Variants in ADAMTS19 observed in about 807,000 individuals in gnomAD.
ADAMTS19 encodes the protein A disintegrin and metalloproteinase with thrombospondin motifs 19.
Under a neutral mutation model 153.3 loss-of-function variants are expected in ADAMTS19, and 93 were observed. The ratio of observed to expected loss-of-function variants is 0.61; its 90% confidence interval spans 0.51 to 0.72. The LOEUF is 0.72. Among genes scored for constraint, ADAMTS19 ranks in the 30% least tolerant of loss-of-function variants. The probability of loss-of-function intolerance (pLI) is 0.00; values close to 1 mark genes in which losing one functional copy is unlikely to be tolerated. For synonymous variants in ADAMTS19, 600 were observed against 556.6 expected (o/e 1.08, Z -1.10); for missense variants, 1,482 against 1,552.1 (o/e 0.95, Z 0.76).
intron 7 of ADAMTS19, among the ~76,000 whole-genome samples, chr5:129,586,068 G>C (rs1035046988): frequency 6.6e-6 from 1 of 151,996 alleles, no homozygotes. Context: ...AAGGTACAGA[G>C]GTTTCTCTTA....
At chr5:129,658,108 A>G (rs932083823) in intron 14 of ADAMTS19, among the ~76,000 whole-genome samples, 12 of 152,046 alleles carry the variant, frequency 7.9e-5, no homozygotes, top group Admixed American at 6.5e-4. Flanking sequence ...AACATGGTGA[A>G]ACCTTGTCTC....
chr5:129,600,036 A>G (rs1750573498), intron 8 of ADAMTS19, among the ~76,000 whole-genome samples: 1 of 152,228 alleles, frequency 6.6e-6, no homozygotes, highest in Non-Finnish European at 1.5e-5. Context: ...AAAAGTATCT[A>G]TATGAATTAC....
intron 7 of ADAMTS19, among the ~76,000 whole-genome samples, chr5:129,578,088 A>C (rs1008689458): frequency 4.8e-5 from 2 of 41,552 alleles, no homozygotes; most frequent in South Asian, 1.1e-3. Flanking sequence ...ACATATATAC[A>C]TATACATACA....
At chr5:129,557,660 A>G (rs1753361813) in intron 7 of ADAMTS19, among the ~76,000 whole-genome samples, 1 of 152,148 alleles carries the variant, frequency 6.6e-6, no homozygotes, top group African/African-American at 2.4e-5. Flanking sequence ...CTAGGCTCTG[A>G]TGATTTTTGT....
intron 21 of ADAMTS19, among the ~76,000 whole-genome samples, chr5:129,732,861 A>C (rs111956899): frequency 1.3e-5 from 2 of 152,216 alleles, no homozygotes; most frequent in East Asian, 3.9e-4. Context: ...AGCTGAAGCA[A>C]TCCTAAGTAA....
chr5:129,519,432 C>G (rs756394291), intron 3 of ADAMTS19, among the ~76,000 whole-genome samples: 1 of 152,052 alleles, frequency 6.6e-6, no homozygotes, highest in Non-Finnish European at 1.5e-5. Flanking sequence ...GCTATGCAGC[C>G]TGAGGTTAGG....
chr5:129,666,007 G>A (rs552440495), intron 16 of ADAMTS19, among the ~76,000 whole-genome samples: 77 of 149,716 alleles, frequency 5.1e-4, no homozygotes, highest in Non-Finnish European at 1.0e-3. Flanking sequence ...TGATCGTTTC[G>A]TCAGGAAATC....
At chr5:129,732,627 A>G (rs998442925) in intron 21 of ADAMTS19, among the ~76,000 whole-genome samples, 4 of 152,132 alleles carry the variant, frequency 2.6e-5, no homozygotes, top group African/African-American at 9.6e-5. Flanking sequence ...CAAGACCTCT[A>G]CAAGGAGAGC....
chr5:129,613,041 T>G (rs138158158), intron 8 of ADAMTS19, among the ~76,000 whole-genome samples: 3,636 of 152,122 alleles, frequency 0.024, 120 homozygotes, highest in African/African-American at 0.079. Context: ...ATAAAACAAG[T>G]CCTTAGAGAC....
At position 129,652,218 on chromosome 5, in the gene ADAMTS19, T is replaced by C. The variant is rs889149826; in HGVS notation, c.2177-2088T>C. Among the ~76,000 whole-genome samples the C allele has an allele frequency of 3.3e-5, 5 of 152,228 alleles. No homozygotes were observed. In the South Asian group the frequency reaches 1.0e-3, roughly 31 times the overall value. On this transcript the variant is annotated intron_variant, in intron 13 of 22. Coordinates refer to ENST00000274487, the MANE Select transcript of ADAMTS19 (RefSeq NM_133638.6). ...CACGTATCAATCAAACTCATCAGTCTATATTTCAAATAAAATATACAACAG... is the reference window on the plus strand; with the variant it reads ...CACGTATCAATCAAACTCATCAGTCCATATTTCAAATAAAATATACAACAG...
intron 21 of ADAMTS19, among the ~76,000 whole-genome samples, chr5:129,705,134 GT>G (rs1441496048): frequency 3.0e-5 from 3 of 100,976 alleles, no homozygotes; most frequent in Non-Finnish European, 7.5e-5. Flanking sequence ...ACTTTCAGCT[GT>G]GATATTATAT....
rs994973177 is a variant in ADAMTS19 at position 129,528,651 on chromosome 5, A to C, written c.1302A>C (p.Ser434=). 5 of 1,600,054 alleles carry C rather than the reference A, an allele frequency of 3.1e-6. No individual in the cohort carries two copies. Among genetic ancestry groups the C allele is most frequent in the Non-Finnish European group, 4.3e-6 (5 of 1,174,604 alleles). ...MSTNWGEDMT[S]VDAAILITRK... ...CAAACTGGGGGGAAGACATGACTTCAGTGGATGCAGCTATACTTATAACAA... is the reference window on the plus strand; with the variant it reads ...CAAACTGGGGGGAAGACATGACTTCCGTGGATGCAGCTATACTTATAACAA... The change falls in exon 6 of 23, where the codon TCA becomes TCC. Residue 434 remains serine, a synonymous_variant. Transcript: ENST00000274487.
intron 5 of ADAMTS19, 77 bp from the exon 6 acceptor site, chr5:129,528,443 T>C: frequency 8.2e-7 from 1 of 1,215,130 alleles, no homozygotes; most frequent in African/African-American, 1.6e-5. Context: ...AGAGTGCCTT[T>C]GTTATTGTTG....
intron 20 of ADAMTS19, among the ~76,000 whole-genome samples, chr5:129,702,934 A>AT (rs1755952535): frequency 8.1e-6 from 1 of 122,950 alleles, no homozygotes; most frequent in African/African-American, 3.6e-5. Flanking sequence ...CTTGCCAAAA[A>AT]AAAAAAAATA....
chr5:129,725,072 T>C (rs1387315216), intron 21 of ADAMTS19, among the ~76,000 whole-genome samples: 1 of 152,090 alleles, frequency 6.6e-6, no homozygotes, highest in Non-Finnish European at 1.5e-5. Flanking sequence ...AGAAAAGAAA[T>C]GATTTGGGGG....
chr5:129,585,236 A>T (rs1273927992), intron 7 of ADAMTS19, among the ~76,000 whole-genome samples: 1 of 151,410 alleles, frequency 6.6e-6, no homozygotes, highest in Non-Finnish European at 1.5e-5. Context: ...CCCACTGTCT[A>T]ACCAGTCCCA....
chr5:129,661,853 T>C (rs2127073975), intron 15 of ADAMTS19, among the ~76,000 whole-genome samples: 1 of 152,330 alleles, frequency 6.6e-6, no homozygotes, highest in South Asian at 2.1e-4. Context: ...GTAAGAGCTT[T>C]TGCGTGTTTG....
chr5:129,728,085 A>G (rs1201324727), intron 21 of ADAMTS19, among the ~76,000 whole-genome samples: 2 of 152,156 alleles, frequency 1.3e-5, no homozygotes, highest in Non-Finnish European at 2.9e-5. Flanking sequence ...ACTGCTCATT[A>G]TACACTAATT....
chr5:129,677,648 T>C (rs1170720349), intron 16 of ADAMTS19, among the ~76,000 whole-genome samples: 1 of 152,196 alleles, frequency 6.6e-6, no homozygotes, highest in African/African-American at 2.4e-5. Flanking sequence ...CTGTCCATTT[T>C]ACTCTGAAAC....
Sources: allele counts gnomAD v4.1 joint callset (sites outside exome capture counted in the v4.1 genomes callset), GRCh38; gene constraint gnomAD v4.1.1; transcripts MANE v1.5; gene names NCBI Gene and HGNC (gene_info 2026-07-23, HGNC 2026-07-21).